Variants in LAMC2 observed in about 807,000 individuals in gnomAD.
The protein encoded by LAMC2 is laminin subunit gamma-2.
In LAMC2, 97 loss-of-function variants were observed where a neutral mutation model predicts 140.2. The observed-to-expected ratio is 0.69, with a 90% CI of 0.59 to 0.82. LAMC2 has a LOEUF of 0.82. Ranked by LOEUF, LAMC2 falls within the 40% of genes least tolerant of loss-of-function variation. The pLI, the probability that LAMC2 is intolerant of heterozygous loss-of-function variation, is 0.00. For synonymous variants in LAMC2, 513 were observed against 540.2 expected (o/e 0.95, Z 0.70); for missense variants, 1,402 against 1,476.1 (o/e 0.95, Z 0.82).
At chr1:183,257,812 T>G in the LAMC2 span, among the ~76,000 whole-genome samples, 4 of 151,938 alleles carry the variant, frequency 2.6e-5, no homozygotes, top group African/African-American at 9.7e-5. Context: ...AAACCAACTC[T>G]TCATTTTATT....
At chr1:183,204,963 C>T (rs549462387) in intron 1 of LAMC2, among the ~76,000 whole-genome samples, 6 of 152,106 alleles carry the variant, frequency 3.9e-5, no homozygotes, top group Non-Finnish European at 7.4e-5. Flanking sequence ...GCTGGGATTA[C>T]AGGCACCTGC....
chr1:183,226,054 G>A (rs1483333573), intron 8 of LAMC2, among the ~76,000 whole-genome samples: 1 of 151,620 alleles, frequency 6.6e-6, no homozygotes, highest in East Asian at 1.9e-4. Flanking sequence ...CTACAACACA[G>A]TCTTATTTAT....
At chr1:183,258,397 G>C in the LAMC2 span, among the ~76,000 whole-genome samples, 3 of 151,018 alleles carry the variant, frequency 2.0e-5, no homozygotes, top group African/African-American at 2.4e-5. Context: ...TATGACTGAG[G>C]CAGTGAAAGA....
chr1:183,231,258 A>C (rs1360278801), intron 12 of LAMC2, among the ~76,000 whole-genome samples, 155 bp downstream of exon 12: 1 of 152,208 alleles, frequency 6.6e-6, no homozygotes, highest in African/African-American at 2.4e-5. Flanking sequence ...GCATTAAAAA[A>C]ATTCTGTATA....
chr1:183,226,566 C>A, intron 8 of LAMC2, 132 bp from the exon 9 acceptor site: 1 of 800,072 alleles, frequency 1.2e-6, no homozygotes, highest in Non-Finnish European at 2.1e-6. Flanking sequence ...CCATACCTCT[C>A]TACATGGCAT....
In LAMC2 at chr1:183,244,724, C is replaced by G. The variant is rs183760448; in HGVS notation, c.*1324C>G. ...ACATTTCTTTGCATTCCAGCTGTCA[C>G]TCTGTGCCTTTCTACAACTGATTGC... On this transcript the variant is annotated 3_prime_UTR_variant, in exon 23 of 23. Transcript: ENST00000264144. The G allele has an allele frequency of 6.6e-6, 1 of 152,628 alleles. No individual in the cohort carries two copies. Among genetic ancestry groups the G allele is most frequent in the Non-Finnish European group, 1.5e-5 (1 of 68,032 alleles). 9.5% of individuals were successfully genotyped at this position (152,628 alleles called of 1,614,324 possible).
chr1:183,229,948 A>G (rs1659751194), intron 11 of LAMC2, among the ~76,000 whole-genome samples: 1 of 152,214 alleles, frequency 6.6e-6, no homozygotes, highest in Non-Finnish European at 1.5e-5. Flanking sequence ...GTTTTGTAAC[A>G]TACCTATTAT....
chr1:183,224,221 A>G (rs1553266137), intron 7 of LAMC2, among the ~76,000 whole-genome samples: 1 of 152,190 alleles, frequency 6.6e-6, no homozygotes, highest in Non-Finnish European at 1.5e-5. Context: ...GAGAAGGGCA[A>G]CCTTCACATG....
At chr1:183,195,685 T>C (rs1658490865) in intron 1 of LAMC2, among the ~76,000 whole-genome samples, 1 of 152,184 alleles carries the variant, frequency 6.6e-6, no homozygotes, top group African/African-American at 2.4e-5. Flanking sequence ...CTAAAAGCCT[T>C]AGTGAGAGAA....
Position 183,223,211 on chromosome 1 carries a change from A to G in LAMC2, c.840A>G (p.Arg280=), listed in dbSNP as rs1228498194. 1 of 1,614,048 alleles carries G rather than the reference A, an allele frequency of 6.2e-7. No homozygotes were observed. Among genetic ancestry groups the G allele is most frequent in the Non-Finnish European group, 8.5e-7 (1 of 1,180,010 alleles). The change falls in exon 7 of 23, where the codon AGA becomes AGG. Residue 280 remains arginine (R), a synonymous_variant. Coordinates refer to ENST00000264144, the MANE Select transcript of LAMC2 (RefSeq NM_005562.3). ...ACTACCGTGTGGACAGAGGAGGCAG[A>G]CACCCATCTGCCCATGATGTGATTC... ...SFDYRVDRGG[R]HPSAHDVILE...
At chr1:183,237,734 A>G (rs1221104594) in intron 18 of LAMC2, among the ~76,000 whole-genome samples, 3 of 152,154 alleles carry the variant, frequency 2.0e-5, no homozygotes, top group Non-Finnish European at 4.4e-5. Context: ...AAAAAATAAA[A>G]AAATAGCTGT....
At chr1:183,257,259 A>T in the LAMC2 span, among the ~76,000 whole-genome samples, 69 of 151,976 alleles carry the variant, frequency 4.5e-4, 1 homozygote, top group African/African-American at 1.7e-3. Context: ...TGGCCAACAT[A>T]GTAAAACCCT....
chr1:183,223,400 A>G, intron 7 of LAMC2, 76 bp downstream of exon 7: 1 of 1,377,846 alleles, frequency 7.3e-7, no homozygotes, highest in South Asian at 1.2e-5. Flanking sequence ...TATTCATTCA[A>G]TCATCATTCA....
At chr1:183,229,149 TG>T (rs1435960519) in intron 11 of LAMC2, among the ~76,000 whole-genome samples, 6 of 152,194 alleles carry the variant, frequency 3.9e-5, no homozygotes, top group African/African-American at 1.4e-4. Flanking sequence ...TCCTGAGGCC[TG>T]CTGCAGATCA....
chr1:183,232,464 G>A lies in LAMC2; in HGVS notation c.2014+121G>A, dbSNP rs138863552. The A allele has an allele frequency of 5.3e-3, 6,570 of 1,247,886 alleles. 33 individuals are homozygous for A. The highest frequency in any genetic ancestry group is 1.0e-2 in the Middle Eastern group (40 of 4,006). The allele number at this position is 1,247,886 out of a possible 1,614,324, so 77.3% of individuals were successfully genotyped here. On this transcript the variant is annotated intron_variant, in intron 13 of 22. Coordinates refer to ENST00000264144, the MANE Select transcript of LAMC2 (RefSeq NM_005562.3). ...CAGCAGTTATCTCCAGCCAGCCCTT[G>A]CAGAAGTGGAAGGACTGTCTGTGGC... is the stretch of plus-strand genomic sequence containing the variant.
the LAMC2 span, among the ~76,000 whole-genome samples, chr1:183,254,071 G>A: frequency 3.0e-4 from 45 of 152,248 alleles, no homozygotes; most frequent in Admixed American, 2.3e-3. Flanking sequence ...CCTTTACAAG[G>A]TGGTGATTTC....
At chr1:183,213,144 C>G (rs974878310) in intron 2 of LAMC2, among the ~76,000 whole-genome samples, 1 of 152,260 alleles carries the variant, frequency 6.6e-6, no homozygotes, top group Non-Finnish European at 1.5e-5. Context: ...ATCTGTTATT[C>G]TGCTGTGAAC....
chr1:183,253,991 T>G, the LAMC2 span, among the ~76,000 whole-genome samples: 4 of 152,008 alleles, frequency 2.6e-5, no homozygotes, highest in South Asian at 8.3e-4. Flanking sequence ...CATCCATTGA[T>G]GGACGTCTAG....
chr1:183,229,075 G>A (rs1659722848), intron 11 of LAMC2, among the ~76,000 whole-genome samples: 1 of 152,202 alleles, frequency 6.6e-6, no homozygotes, highest in African/African-American at 2.4e-5. Flanking sequence ...TTGATGTGTA[G>A]AAAGGTAACA....
Sources: allele counts gnomAD v4.1 joint callset (sites outside exome capture counted in the v4.1 genomes callset), GRCh38; gene constraint gnomAD v4.1.1; transcripts MANE v1.5; gene names NCBI Gene and HGNC (gene_info 2026-07-23, HGNC 2026-07-21).